Variants in RASSF10 observed in about 807,000 individuals in gnomAD.
The protein encoded by RASSF10 is Ras association domain family member 10, also known as ras association domain-containing protein 10.
In RASSF10, 22 loss-of-function variants were observed where a neutral mutation model predicts 41.5. The ratio of observed to expected loss-of-function variants is 0.53; its 90% CI spans 0.38 to 0.76. The LOEUF is 0.76. RASSF10 is among the 30% of genes least tolerant of loss of function. The pLI is 0.00. For synonymous variants in RASSF10, 364 were observed against 319.0 expected, an observed-to-expected ratio of 1.14 and a Z score of -1.50; for missense variants, 776 against 711.8, an observed-to-expected ratio of 1.09 and a Z score of -1.03.
Position 13,011,678 on chromosome 11 carries a change from C to T in RASSF10, c.*578C>T, listed in dbSNP as rs1949581302. On this transcript the variant is annotated 3_prime_UTR_variant, in exon 1 of 1. Transcript: ENST00000529419. ...TTCTGCAGATTTGGGAATTACCCAT[C>T]TGCTAAATCATTTGTCTTTTATTTT... The T allele has an allele frequency of 6.6e-6, 1 of 152,476 alleles. No homozygotes were observed. Among genetic ancestry groups the T allele is most frequent in the Non-Finnish European group, 1.5e-5 (1 of 68,258 alleles). 9.4% of individuals were successfully genotyped at this position (152,476 alleles called of 1,614,324 possible).
rs749259899 is a variant in RASSF10 at position 13,009,462 on chromosome 11, C to G, written c.-115C>G. 2 of 1,509,176 alleles carry G rather than the reference C, an allele frequency of 1.3e-6. No individual in the cohort carries two copies. The highest frequency in any genetic ancestry group is 1.8e-6 in the Non-Finnish European group (2 of 1,132,576). 93.5% of individuals were successfully genotyped at this position (1,509,176 alleles called of 1,614,324 possible). A position where few individuals can be genotyped will look rare whatever the true frequency, so the allele number is the denominator to read the frequency against. ...CAGCGGGGGAACAGGGCTAGTGCAG[C>G]CGCCGGAGGGGGGCACGGGCTCCTC... On this transcript the variant is annotated 5_prime_UTR_variant, in exon 1 of 1. Coordinates refer to ENST00000529419, the MANE Select transcript of RASSF10 (RefSeq NM_001080521.3).
In RASSF10 at chr11:13,009,870, C is replaced by T. The variant is rs1261833631; in HGVS notation, c.294C>T (p.Arg98=). 1 of 1,605,254 alleles carries T rather than the reference C, an allele frequency of 6.2e-7. No homozygotes were observed. Among genetic ancestry groups the T allele is most frequent in the South Asian group, 1.1e-5 (1 of 89,590 alleles). The part of the protein sequence containing the change: ...PQCYCIVEKW[R]GFERILPNKT... Reference sequence around the variant, plus strand: ...GCTATTGCATCGTGGAGAAGTGGCGCGGCTTTGAGCGCATCCTCCCCAACA... The same window carrying T: ...GCTATTGCATCGTGGAGAAGTGGCGTGGCTTTGAGCGCATCCTCCCCAACA... Residue 98 remains arginine, a synonymous_variant, in exon 1 of 1, where the codon CGC becomes CGT. Transcript: ENST00000529419.
Position 13,010,497 on chromosome 11 carries a change from G to A in RASSF10, c.921G>A (p.Ala307=). ...CGGAGGCGGAGGAGGCGGCGGCGGC[G>A]CCCCCTCTAGCCGGCGAGGCGCAGG... ...VAAEAEEAAA[A]PPLAGEAQAA... Residue 307 remains alanine (A), a synonymous_variant, in exon 1 of 1, where the codon GCG becomes GCA. Coordinates refer to ENST00000529419, the MANE Select transcript of RASSF10 (RefSeq NM_001080521.3). This position sits in a 1 kb window ranked among gnomAD's most constrained non-coding sequence, Gnocchi z 4.8. 6.6e-7 allele frequency: 1 copy of A among 1,509,048 alleles called. No individual in the cohort carries two copies. Among genetic ancestry groups the A allele is most frequent in the Non-Finnish European group, 8.9e-7 (1 of 1,129,564 alleles). The allele number at this position is 1,509,048 out of a possible 1,614,324, so 93.5% of individuals were successfully genotyped here. A position where few individuals can be genotyped will look rare whatever the true frequency, so the allele number is the denominator to read the frequency against.
Position 13,010,127 on chromosome 11 carries a change from T to C in RASSF10, c.551T>C (p.Leu184Pro). 2.6e-6 allele frequency: 4 copies of C among 1,557,600 alleles called. No individual in the cohort carries two copies. The highest frequency in any genetic ancestry group is 2.6e-6 in the Non-Finnish European group (3 of 1,151,126). ...GTGGTGCGCAAGGCCTTTCGCAAACTGGCCAAGCTCAACCGGCGGCGCCAG... is the reference window on the plus strand; with the variant it reads ...GTGGTGCGCAAGGCCTTTCGCAAACCGGCCAAGCTCAACCGGCGGCGCCAG... The part of the protein sequence containing the change: ...RRVVRKAFRK[L>P]AKLNRRRQQQ... Residue 184 changes from leucine to proline, a missense_variant, in exon 1 of 1, where the codon CTG becomes CCG. Transcript: ENST00000529419. This position sits in a 1 kb window ranked among gnomAD's most constrained non-coding sequence, Gnocchi z 4.8.
chr11:13,009,472 G>C lies in RASSF10; in HGVS notation c.-105G>C, dbSNP rs764581548. On this transcript the variant is annotated 5_prime_UTR_variant, in exon 1 of 1. Coordinates refer to ENST00000529419, the MANE Select transcript of RASSF10 (RefSeq NM_001080521.3). ...ACAGGGCTAGTGCAGCCGCCGGAGGGGGGCACGGGCTCCTCTCCCATCCCA... is the reference window on the plus strand; with the variant it reads ...ACAGGGCTAGTGCAGCCGCCGGAGGCGGGCACGGGCTCCTCTCCCATCCCA... 6.6e-6 allele frequency: 10 copies of C among 1,514,544 alleles called. No homozygotes were observed. Among genetic ancestry groups the C allele is most frequent in the African/African-American group, 2.8e-5 (2 of 71,834 alleles). The allele number at this position is 1,514,544 out of a possible 1,614,324, so 93.8% of individuals were successfully genotyped here.
Position 13,009,480 on chromosome 11 carries a change from G to C in RASSF10, c.-97G>C. The C allele has an allele frequency of 2.0e-6, 3 of 1,519,692 alleles. No homozygotes were observed. Among genetic ancestry groups the C allele is most frequent in the Non-Finnish European group, 2.6e-6 (3 of 1,136,518 alleles). The allele number at this position is 1,519,692 out of a possible 1,614,324, so 94.1% of individuals were successfully genotyped here. A position where few individuals can be genotyped will look rare whatever the true frequency, so the allele number is the denominator to read the frequency against. On this transcript the variant is annotated 5_prime_UTR_variant, in exon 1 of 1. Transcript: ENST00000529419. ...AGTGCAGCCGCCGGAGGGGGGCACGGGCTCCTCTCCCATCCCAGAGCTACT... is the reference window on the plus strand; with the variant it reads ...AGTGCAGCCGCCGGAGGGGGGCACGCGCTCCTCTCCCATCCCAGAGCTACT...
Position 13,011,215 on chromosome 11 carries a change from G to C in RASSF10, c.*115G>C. ...CAGGCTGTTGCGAGCCCAGAGCTCCGGCTGGGCAGCAGCGCTCTGCGCAGC... is the reference window on the plus strand; with the variant it reads ...CAGGCTGTTGCGAGCCCAGAGCTCCCGCTGGGCAGCAGCGCTCTGCGCAGC... On this transcript the variant is annotated 3_prime_UTR_variant, in exon 1 of 1. Coordinates refer to ENST00000529419, the MANE Select transcript of RASSF10 (RefSeq NM_001080521.3). 2 of 855,604 alleles carry C rather than the reference G, an allele frequency of 2.3e-6. No homozygotes were observed. The highest frequency in any genetic ancestry group is 3.5e-6 in the Non-Finnish European group (2 of 566,944). 53.0% of individuals were successfully genotyped at this position (855,604 alleles called of 1,614,324 possible). A position where few individuals can be genotyped will look rare whatever the true frequency, so the allele number is the denominator to read the frequency against.
rs200003759 is a variant in RASSF10 at position 13,010,333 on chromosome 11, A to G, written c.757A>G (p.Ile253Val). The G allele has an allele frequency of 2.0e-3, 3,087 of 1,551,526 alleles. 5 individuals carry two copies. Among genetic ancestry groups the G allele is most frequent in the Non-Finnish European group, 2.5e-3 (2,831 of 1,147,092 alleles). The change falls in exon 1 of 1, where the codon ATC (isoleucine) becomes GTC (valine). Residue 253 changes from isoleucine to valine, a missense_variant. Physicochemically the swap from Ile to Val is conservative, Grantham distance 29. Coordinates refer to ENST00000529419, the MANE Select transcript of RASSF10 (RefSeq NM_001080521.3). This position sits in a 1 kb window ranked among gnomAD's most constrained non-coding sequence, Gnocchi z 4.8. ...GCGGCTCCACGAGCTGGACCGCGAG[A>G]TCGATCACTACGAGGCCAAGGTGCA... ...VQRLHELDRE[I>V]DHYEAKVHLD...
rs1434169021 is a variant in RASSF10 at position 13,010,478 on chromosome 11, C to G, written c.902C>G (p.Ala301Gly). The G allele has an allele frequency of 6.6e-7, 1 of 1,520,032 alleles. No homozygotes were observed. Among genetic ancestry groups the G allele is most frequent in the East Asian group, 2.5e-5 (1 of 40,488 alleles). The allele number at this position is 1,520,032 out of a possible 1,614,324, so 94.2% of individuals were successfully genotyped here. ...GEEPEEVAAE[A>G]EEAAAAPPLA... ...GAGCCAGAAGAGGTGGCGGCGGAGG[C>G]GGAGGAGGCGGCGGCGGCGCCCCCT... The change falls in exon 1 of 1, where the codon GCG becomes GGG. Residue 301 changes from alanine to glycine, a missense_variant. Coordinates refer to ENST00000529419, the MANE Select transcript of RASSF10 (RefSeq NM_001080521.3). The surrounding 1 kb of genome is among the most constrained non-coding windows in gnomAD (Gnocchi z 4.8).
At position 13,010,161 on chromosome 11, in the gene RASSF10, A is replaced by G. The variant is rs746905063; in HGVS notation, c.585A>G (p.Thr195=). The G allele has an allele frequency of 7.1e-5, 112 of 1,582,448 alleles. 1 individual carries two copies. The East Asian group carries it at 2.6e-3, about 37-fold the overall frequency. Residue 195 remains threonine (T), a synonymous_variant, in exon 1 of 1, where the codon ACA becomes ACG. Transcript: ENST00000529419. This position sits in a 1 kb window ranked among gnomAD's most constrained non-coding sequence, Gnocchi z 4.8. ...TCAACCGGCGGCGCCAGCAGCAGAC[A>G]CCGTCGTCCTGTTCGTCCACTTCGT... ...AKLNRRRQQQ[T]PSSCSSTSSS...
In RASSF10 at chr11:13,009,944, A is replaced by G; in HGVS notation, c.368A>G (p.Asn123Ser). The G allele has an allele frequency of 1.3e-6, 2 of 1,586,688 alleles. No individual in the cohort carries two copies. Among genetic ancestry groups the G allele is most frequent in the Non-Finnish European group, 1.7e-6 (2 of 1,165,984 alleles). The change falls in exon 1 of 1, where the codon AAT (asparagine) becomes AGT (serine). Residue 123 changes from asparagine (N) to serine (S), a missense_variant. By Grantham distance (46) the Asn-to-Ser change is conservative (BLOSUM62 1). Coordinates refer to ENST00000529419, the MANE Select transcript of RASSF10 (RefSeq NM_001080521.3). The part of the protein sequence containing the change: ...LWAAWGEEQE[N>S]VRFVLVRSEA... ...GCTGCCTGGGGCGAAGAGCAAGAGA[A>G]TGTGCGCTTCGTGCTAGTGCGCAGC...
Position 13,009,724 on chromosome 11 carries a change from C to G in RASSF10, c.148C>G (p.Arg50Gly), listed in dbSNP as rs774760923. 14 of 1,587,456 alleles carry G rather than the reference C, an allele frequency of 8.8e-6. No homozygotes were observed. Among genetic ancestry groups the G allele is most frequent in the Non-Finnish European group, 1.2e-5 (14 of 1,167,490 alleles). ...GCGGCGACGGAGACAGCGGCGGAGCCGGCGGCTGGGGTCGGCCGGCGACCC... is the reference window on the plus strand; with the variant it reads ...GCGGCGACGGAGACAGCGGCGGAGCGGGCGGCTGGGGTCGGCCGGCGACCC... ...CRRRRRQRRSRRLGSAGDPHG... is the reference protein window; with the variant it reads ...CRRRRRQRRSGRLGSAGDPHG... Residue 50 changes from arginine (R) to glycine (G), a missense_variant, in exon 1 of 1, where the codon CGG (arginine) becomes GGG (glycine). Coordinates refer to ENST00000529419, the MANE Select transcript of RASSF10 (RefSeq NM_001080521.3).
In RASSF10 at chr11:13,010,497, GC is replaced by G; in HGVS notation, c.926del (p.Pro309LeufsTer2). On this transcript the variant is annotated frameshift_variant, in exon 1 of 1. Transcript: ENST00000529419. LOFTEE classifies it high-confidence loss of function. This position sits in a 1 kb window ranked among gnomAD's most constrained non-coding sequence, Gnocchi z 4.8. ...CGGAGGCGGAGGAGGCGGCGGCGGC[GC>G]CCCCTCTAGCCGGCGAGGCGCAGGC... ...AAEAEEAAAA[P>X]PLAGEAQAAA... 6.6e-7 allele frequency: 1 copy of G among 1,509,046 alleles called. No homozygotes were observed. Among genetic ancestry groups the G allele is most frequent in the Non-Finnish European group, 8.9e-7 (1 of 1,129,562 alleles). The allele number at this position is 1,509,046 out of a possible 1,614,324, so 93.5% of individuals were successfully genotyped here. A position where few individuals can be genotyped will look rare whatever the true frequency, so the allele number is the denominator to read the frequency against.
chr11:13,010,955 C>G lies in RASSF10; in HGVS notation c.1379C>G (p.Pro460Arg), dbSNP rs1335936383. The change falls in exon 1 of 1, where the codon CCT becomes CGT. Residue 460 changes from proline to arginine, a missense_variant. Transcript: ENST00000529419. This position sits in a 1 kb window ranked among gnomAD's most constrained non-coding sequence, Gnocchi z 4.8. ...GSGSPSREPG[P>R]QACADMWVDQ... Reference sequence around the variant, plus strand: ...GGCAGTCCCTCGCGGGAACCTGGGCCTCAAGCCTGCGCCGACATGTGGGTG... The same window carrying G: ...GGCAGTCCCTCGCGGGAACCTGGGCGTCAAGCCTGCGCCGACATGTGGGTG... The G allele has an allele frequency of 6.2e-7, 1 of 1,613,700 alleles. No homozygotes were observed.
In RASSF10 at chr11:13,010,716, C is replaced by G; in HGVS notation, c.1140C>G (p.Asp380Glu). ...EEPLEPDGGPDGELLLEQERV... is the reference protein window; with the variant it reads ...EEPLEPDGGPEGELLLEQERV... Reference sequence around the variant, plus strand: ...CCCTGGAGCCCGACGGTGGCCCCGACGGCGAGCTGCTGCTGGAGCAGGAAC... The same window carrying G: ...CCCTGGAGCCCGACGGTGGCCCCGAGGGCGAGCTGCTGCTGGAGCAGGAAC... The change falls in exon 1 of 1, where the codon GAC becomes GAG. Residue 380 changes from aspartate (D) to glutamate (E), a missense_variant. Asp to Glu is a conservative substitution (Grantham distance 45). Transcript: ENST00000529419. This position sits in a 1 kb window ranked among gnomAD's most constrained non-coding sequence, Gnocchi z 4.8. 1.9e-6 allele frequency: 3 copies of G among 1,595,012 alleles called. No homozygotes were observed. The highest frequency in any genetic ancestry group is 2.6e-6 in the Non-Finnish European group (3 of 1,171,362).
In RASSF10 at chr11:13,010,212, G is replaced by C. The variant is rs774834788; in HGVS notation, c.636G>C (p.Ser212=). 6.3e-7 allele frequency: 1 copy of C among 1,594,286 alleles called. No homozygotes were observed. The highest frequency in any genetic ancestry group is 1.1e-5 in the South Asian group (1 of 86,960). Residue 212 remains serine, a synonymous_variant, in exon 1 of 1, where the codon TCG becomes TCC. Transcript: ENST00000529419. The surrounding 1 kb of genome is among the most constrained non-coding windows in gnomAD (Gnocchi z 4.8). ...CGTCCACTGCCTCGTCCTGCTCTTCGTCGCCGCGGACCCACGAGAGCGCGT... is the reference window on the plus strand; with the variant it reads ...CGTCCACTGCCTCGTCCTGCTCTTCCTCGCCGCGGACCCACGAGAGCGCGT... The part of the protein sequence containing the change: ...TSSSTASSCS[S]SPRTHESASV...
Position 13,011,039 on chromosome 11 carries a change from G to C in RASSF10, c.1463G>C (p.Gly488Ala). The change falls in exon 1 of 1, where the codon GGA (glycine) becomes GCA (alanine). Residue 488 changes from glycine (G) to alanine (A), a missense_variant. Transcript: ENST00000529419. ...GPGNDEDSDT[G>A]LSSMHSQDSD... ...GGCAACGACGAAGACTCGGATACGGGACTGAGCTCTATGCATAGCCAAGAC... is the reference window on the plus strand; with the variant it reads ...GGCAACGACGAAGACTCGGATACGGCACTGAGCTCTATGCATAGCCAAGAC... 1 of 1,609,140 alleles carries C rather than the reference G, an allele frequency of 6.2e-7. No homozygotes were observed. Among genetic ancestry groups the C allele is most frequent in the Non-Finnish European group, 8.5e-7 (1 of 1,179,136 alleles).
rs768329846 is a variant in RASSF10, at chr11:13,009,590, A to C, written c.14A>C (p.Glu5Ala). 4.3e-6 allele frequency: 7 copies of C among 1,610,490 alleles called. No individual in the cohort carries two copies. The highest frequency in any genetic ancestry group is 5.9e-6 in the Non-Finnish European group (7 of 1,178,178). ...CCTGGTTGCGCCATGGATCCTTCGG[A>C]AAAGAAGATATCGGTGTGGATCTGC... The part of the protein sequence containing the change: MDPS[E>A]KKISVWICQE... The change falls in exon 1 of 1, where the codon GAA becomes GCA. Residue 5 changes from glutamate (E) to alanine (A), a missense_variant. Physicochemically the swap from Glu to Ala is moderately radical, Grantham distance 107. Transcript: ENST00000529419.
In RASSF10 at chr11:13,010,164, G is replaced by A. The variant is rs776694818; in HGVS notation, c.588G>A (p.Pro196=). 3 of 1,585,456 alleles carry A rather than the reference G, an allele frequency of 1.9e-6. No homozygotes were observed. The highest frequency in any genetic ancestry group is 2.6e-6 in the Non-Finnish European group (3 of 1,167,218). The change falls in exon 1 of 1, where the codon CCG becomes CCA. Residue 196 remains proline, a synonymous_variant. Coordinates refer to ENST00000529419, the MANE Select transcript of RASSF10 (RefSeq NM_001080521.3). The surrounding 1 kb of genome is among the most constrained non-coding windows in gnomAD (Gnocchi z 4.8). ...ACCGGCGGCGCCAGCAGCAGACACCGTCGTCCTGTTCGTCCACTTCGTCGT... is the reference window on the plus strand; with the variant it reads ...ACCGGCGGCGCCAGCAGCAGACACCATCGTCCTGTTCGTCCACTTCGTCGT... ...KLNRRRQQQT[P]SSCSSTSSST...
Sources: gnomAD v4.1 joint callset for allele counts on GRCh38, gnomAD v4.1.1 for gene constraint, Gnocchi (gnomAD v3.1) non-coding constraint, MANE v1.5 for transcripts, NCBI Gene and HGNC (gene_info 2026-07-23, HGNC 2026-07-21) for gene names.